Variants in FOXO3 observed in about 807,000 individuals in gnomAD.
FOXO3 encodes forkhead box protein O3.
Under a neutral mutation model 41.9 loss-of-function variants are expected in FOXO3, and 4 were observed. The ratio of observed to expected loss-of-function variants is 0.10; its 90% CI spans 0.05 to 0.22. FOXO3 has a LOEUF of 0.22. Ranked by LOEUF, FOXO3 falls within the 10% of genes least tolerant of loss-of-function variation. The pLI is 1.00. For missense variants in FOXO3, 534 were observed against 906.8 expected (o/e 0.59, Z 5.28); for synonymous variants, 318 against 389.3 (o/e 0.82, Z 2.16).
intron 1 of FOXO3, among the ~76,000 whole-genome samples, chr6:108,634,940 A>G (rs1778081326): frequency 6.6e-6 from 1 of 151,880 alleles, no homozygotes; most frequent in Admixed American, 6.6e-5. Flanking sequence ...TTTTATATAT[A>G]AGGTATTGAT....
At chr6:108,603,749 C>T (rs1562241171) in intron 1 of FOXO3, among the ~76,000 whole-genome samples, 1 of 152,062 alleles carries the variant, frequency 6.6e-6, no homozygotes, top group Non-Finnish European at 1.5e-5. Flanking sequence ...TAATCCTGGA[C>T]AGCCTTTCCC....
upstream of FOXO3, chr6:108,560,888 G>C (rs1284830801): frequency 1.9e-6 from 2 of 1,048,780 alleles, no homozygotes; most frequent in Non-Finnish European, 1.2e-6. Context: ...CGATTCGCTC[G>C]CGGCTCCATC....
chr6:108,666,207 G>T (rs557140269), intron 2 of FOXO3, among the ~76,000 whole-genome samples: 2 of 152,228 alleles, frequency 1.3e-5, no homozygotes, highest in African/African-American at 4.8e-5. Context: ...TAAAGCATGT[G>T]AAACTGCAGT....
intron 1 of FOXO3, among the ~76,000 whole-genome samples, chr6:108,562,388 A>G (rs1775830610): frequency 6.6e-6 from 1 of 152,004 alleles, no homozygotes; most frequent in African/African-American, 2.4e-5. Flanking sequence ...TAGAAAAAGC[A>G]GTGGTTGCAA....
rs1164081640 is a variant in FOXO3, at chr6:108,598,682, TCAC to T, written c.621+36856_621+36858del. On this transcript the variant is annotated intron_variant, in intron 1 of 2. Coordinates refer to ENST00000406360, the MANE Select transcript of FOXO3 (RefSeq NM_001455.4). ...TTATGATGATTGACTTACTGGAAAT[TCAC>T]CATCATGGAAACAAAAATTTAGGGA... Among the ~76,000 whole-genome samples, 4 of 152,194 alleles carry T rather than the reference TCAC, an allele frequency of 2.6e-5. No individual in the cohort carries two copies. The South Asian group carries it at 8.3e-4, about 32-fold the overall frequency.
intron 1 of FOXO3, among the ~76,000 whole-genome samples, chr6:108,591,945 A>G (rs1289754131): frequency 2.0e-5 from 3 of 152,242 alleles, no homozygotes; most frequent in Admixed American, 6.5e-5. Flanking sequence ...ATACTGCTCT[A>G]CAATAAGAAG....
At chr6:108,635,275 A>G (rs761832433) in intron 1 of FOXO3, among the ~76,000 whole-genome samples, 1 of 152,098 alleles carries the variant, frequency 6.6e-6, no homozygotes, top group Non-Finnish European at 1.5e-5. Flanking sequence ...GGCCTGGGCA[A>G]CAGAGCAAGA....
intron 1 of FOXO3, among the ~76,000 whole-genome samples, chr6:108,565,309 T>G (rs1188444846): frequency 6.6e-6 from 1 of 152,218 alleles, no homozygotes; most frequent in Non-Finnish European, 1.5e-5. Context: ...GGATGATGAC[T>G]ATCTCACAGG....
chr6:108,614,984 A>T (rs575783228), intron 1 of FOXO3, among the ~76,000 whole-genome samples: 4 of 152,124 alleles, frequency 2.6e-5, no homozygotes, highest in African/African-American at 9.6e-5. Context: ...TTAACTGATG[A>T]TAGTCAATCT....
chr6:108,615,694 A>T (rs1305130739), intron 1 of FOXO3, among the ~76,000 whole-genome samples: 1 of 151,570 alleles, frequency 6.6e-6, no homozygotes, highest in Non-Finnish European at 1.5e-5. Context: ...TTCTTTTATG[A>T]TCTCAATTAC....
chr6:108,617,222 A>G (rs1208713722), intron 1 of FOXO3, among the ~76,000 whole-genome samples: 1 of 152,198 alleles, frequency 6.6e-6, no homozygotes, highest in Non-Finnish European at 1.5e-5. Flanking sequence ...AAGAAGCTGC[A>G]CTGTTATAAT....
Position 108,561,525 on chromosome 6 carries a change from A to G in FOXO3, c.317A>G (p.Gln106Arg). 2.8e-6 allele frequency: 4 copies of G among 1,442,854 alleles called. No homozygotes were observed. The South Asian group carries it at 4.4e-5, about 16-fold the overall frequency. The allele number at this position is 1,442,854 out of a possible 1,614,324, so 89.4% of individuals were successfully genotyped here. ...DSARVLAPGG[Q>R]DPGSGPATAA... is the part of the protein sequence containing the mutation. The stretch of plus-strand genomic sequence containing the variant: ...GCCCGGGTGCTGGCACCCGGAGGGC[A>G]AGACCCCGGGTCTGGGCCAGCCACC... The change falls in exon 1 of 3, where the codon CAA (glutamine) becomes CGA (arginine). Residue 106 changes from glutamine to arginine, a missense_variant. By Grantham distance (43) the Gln-to-Arg change is conservative (BLOSUM62 1). Coordinates refer to ENST00000406360, the MANE Select transcript of FOXO3 (RefSeq NM_001455.4).
intron 1 of FOXO3, among the ~76,000 whole-genome samples, chr6:108,572,073 G>A (rs1241200530): frequency 6.6e-6 from 1 of 152,080 alleles, no homozygotes; most frequent in Non-Finnish European, 1.5e-5. Context: ...CTTCCCCCTA[G>A]TCCCCCTCCT....
intron 1 of FOXO3, among the ~76,000 whole-genome samples, chr6:108,594,870 TG>T (rs1437433695): frequency 6.6e-6 from 1 of 152,226 alleles, no homozygotes; most frequent in Non-Finnish European, 1.5e-5. Context: ...GAGATAAGAA[TG>T]GGCTACACCT....
At position 108,664,324 on chromosome 6, in the gene FOXO3, C is replaced by T. The variant is rs1372662784; in HGVS notation, c.1491C>T (p.Ser497=). 2 of 1,593,944 alleles carry T rather than the reference C, an allele frequency of 1.3e-6. No individual in the cohort carries two copies. The highest frequency in any genetic ancestry group is 4.5e-5 in the East Asian group (2 of 44,676). Reference sequence around the variant, plus strand: ...CGGACCCCTTGATGTCTCAGGCCAGCACCGCTGTGTCTGCCCAGAATTCCC... The same window carrying T: ...CGGACCCCTTGATGTCTCAGGCCAGTACCGCTGTGTCTGCCCAGAATTCCC... The part of the protein sequence containing the change: ...TQSDPLMSQA[S]TAVSAQNSRR... Residue 497 remains serine (S), a synonymous_variant, in exon 2 of 3, where the codon AGC becomes AGT. Transcript: ENST00000406360.
chr6:108,634,291 T>A (rs1778055179), intron 1 of FOXO3, among the ~76,000 whole-genome samples: 2 of 152,008 alleles, frequency 1.3e-5, no homozygotes, highest in African/African-American at 4.8e-5. Context: ...TAAAGGAGGG[T>A]GAAGATGGGG....
intron 1 of FOXO3, among the ~76,000 whole-genome samples, chr6:108,662,741 C>T (rs1027719860): frequency 5.9e-5 from 9 of 152,100 alleles, no homozygotes; most frequent in African/African-American, 2.2e-4. Flanking sequence ...CTTAGAGAGC[C>T]GGGGAAGTTT....
intron 2 of FOXO3, among the ~76,000 whole-genome samples, chr6:108,665,418 A>G (rs1485108249): frequency 6.6e-6 from 1 of 152,222 alleles, no homozygotes; most frequent in African/African-American, 2.4e-5. Context: ...CAGAATATGT[A>G]TTCTAGACTC....
At chr6:108,571,236 A>G (rs956079655) in intron 1 of FOXO3, among the ~76,000 whole-genome samples, 1 of 152,236 alleles carries the variant, frequency 6.6e-6, no homozygotes, top group African/African-American at 2.4e-5. Flanking sequence ...ATTATTTCCA[A>G]TTCAAAAATG....
Sources: gnomAD v4.1 joint callset for allele counts (sites outside exome capture counted in the v4.1 genomes callset) on GRCh38, gnomAD v4.1.1 for gene constraint, MANE v1.5 for transcripts, NCBI Gene and HGNC (gene_info 2026-07-23, HGNC 2026-07-21) for gene names.